SMOC2: variants seen among roughly 807,000 people sequenced by gnomAD.
SMOC2 encodes the protein SPARC-related modular calcium-binding protein 2.
Under a neutral mutation model 61.4 loss-of-function variants are expected in SMOC2, and 39 were observed. The observed-to-expected ratio is 0.64, with a 90% confidence interval of 0.49 to 0.83. The LOEUF is 0.83. Ranked by LOEUF, SMOC2 falls within the 40% of genes least tolerant of loss-of-function variation. SMOC2 has a pLI of 0.00. For missense variants in SMOC2, 556 were observed against 592.9 expected (o/e 0.94, Z 0.65); for synonymous variants, 247 against 239.9 (o/e 1.03, Z -0.27).
chr6:168,492,704 G>C (rs1252839659), intron 1 of SMOC2, among the ~76,000 whole-genome samples: 1 of 152,184 alleles, frequency 6.6e-6, no homozygotes, highest in East Asian at 1.9e-4. Context: ...ACATTTTAGA[G>C]AGAGCACTGT....
intron 1 of SMOC2, 31 bp downstream of exon 1, chr6:168,441,485 A>C (rs1208653015): frequency 6.8e-7 from 1 of 1,477,170 alleles, no homozygotes; most frequent in East Asian, 3.0e-5. Flanking sequence ...CCTGGAGCTC[A>C]AGTGGTGCCG....
At chr6:168,514,313 G>A (rs918062993) in intron 2 of SMOC2, among the ~76,000 whole-genome samples, 10 of 151,728 alleles carry the variant, frequency 6.6e-5, no homozygotes, top group South Asian at 6.2e-4. Context: ...TTCCACTGCC[G>A]ATACTCTACT....
intron 9 of SMOC2, among the ~76,000 whole-genome samples, chr6:168,639,025 A>G (rs1315987401): frequency 2.0e-5 from 3 of 152,144 alleles, no homozygotes; most frequent in African/African-American, 7.2e-5. Flanking sequence ...ACAAATCTAG[A>G]TGGAAAAAAG....
chr6:168,624,693 T>C (rs553951979), intron 9 of SMOC2, among the ~76,000 whole-genome samples: 1 of 150,046 alleles, frequency 6.7e-6, no homozygotes, highest in Admixed American at 6.6e-5. Context: ...CACACATAGA[T>C]ACAGATGTAC....
At chr6:168,507,788 C>A (rs1782909654) in intron 1 of SMOC2, among the ~76,000 whole-genome samples, 1 of 152,268 alleles carries the variant, frequency 6.6e-6, no homozygotes, top group South Asian at 2.1e-4. Context: ...CTAAAACAAA[C>A]CTGAATCATT....
intron 1 of SMOC2, among the ~76,000 whole-genome samples, chr6:168,477,746 T>G (rs1006564067): frequency 1.3e-5 from 2 of 152,268 alleles, no homozygotes; most frequent in East Asian, 3.9e-4. Flanking sequence ...GGAAAGTACT[T>G]TGGATGCGGT....
At chr6:168,554,585 G>A (rs977087571) in intron 7 of SMOC2, among the ~76,000 whole-genome samples, 4 of 152,232 alleles carry the variant, frequency 2.6e-5, no homozygotes, top group Non-Finnish European at 5.9e-5. Flanking sequence ...TTCTGGGACT[G>A]CGTGTCCTGG....
At chr6:168,513,522 C>T (rs1783060099) in intron 2 of SMOC2, among the ~76,000 whole-genome samples, 1 of 152,078 alleles carries the variant, frequency 6.6e-6, no homozygotes, top group South Asian at 2.1e-4. Context: ...CACATAAACA[C>T]ACACAAACTT....
intron 1 of SMOC2, among the ~76,000 whole-genome samples, chr6:168,500,079 A>G (rs113853370): frequency 0.016 from 2,366 of 152,170 alleles, 55 homozygotes; most frequent in African/African-American, 0.054. Flanking sequence ...TGCCAAGGCA[A>G]GTGGATCACC....
Position 168,598,998 on chromosome 6 carries a change from C to T in SMOC2, c.818C>T (p.Ser273Phe), listed in dbSNP as rs1785406538. The change falls in exon 8 of 13, where the codon TCC becomes TTC. Residue 273 changes from serine to phenylalanine, a missense_variant. Coordinates refer to ENST00000356284, the MANE Select transcript of SMOC2 (RefSeq NM_001166412.2). ...ACGGGGCGCCCCATTCCCGGCACAT[C>T]CACAAGGTAAATAGGGTGCACCCAC... ...VDTGRPIPGT[S>F]TRYEQPKCDN... is the part of the protein sequence containing the mutation. 6.2e-7 allele frequency: 1 copy of T among 1,600,358 alleles called. No individual in the cohort carries two copies. Among genetic ancestry groups the T allele is most frequent in the Non-Finnish European group, 8.5e-7 (1 of 1,173,170 alleles).
At chr6:168,446,973 TAAGAG>T (rs1405258924) in intron 1 of SMOC2, among the ~76,000 whole-genome samples, 1 of 152,252 alleles carries the variant, frequency 6.6e-6, no homozygotes, top group African/African-American at 2.4e-5. Flanking sequence ...AACTGTCACT[TAAGAG>T]AAGGCAAATG....
chr6:168,461,767 T>TTTGATAA (rs1781722865), intron 1 of SMOC2, among the ~76,000 whole-genome samples: 1 of 152,232 alleles, frequency 6.6e-6, no homozygotes. Context: ...GAGGCAGCCG[T>TTTGATAA]GCTAGAAACA....
intron 8 of SMOC2, among the ~76,000 whole-genome samples, chr6:168,606,932 T>G (rs1382644042): frequency 1.3e-5 from 2 of 151,796 alleles, no homozygotes; most frequent in Non-Finnish European, 2.9e-5. Flanking sequence ...CACTCATGGA[T>G]GGGAGGGGCA....
At chr6:168,580,102 C>G (rs1213378028) in intron 7 of SMOC2, among the ~76,000 whole-genome samples, 1 of 152,106 alleles carries the variant, frequency 6.6e-6, no homozygotes, top group Non-Finnish European at 1.5e-5. Context: ...ACGTAGTTTT[C>G]CCTCCTCCAC....
At chr6:168,626,778 G>C (rs1036721966) in intron 9 of SMOC2, among the ~76,000 whole-genome samples, 3 of 152,204 alleles carry the variant, frequency 2.0e-5, no homozygotes, top group Non-Finnish European at 4.4e-5. Flanking sequence ...CAGATTCCAG[G>C]GGTCTTTACC....
At chr6:168,450,162 A>G (rs1781428578) in intron 1 of SMOC2, among the ~76,000 whole-genome samples, 1 of 152,206 alleles carries the variant, frequency 6.6e-6, no homozygotes, top group African/African-American at 2.4e-5. Flanking sequence ...GGCCCTTTCA[A>G]AGACAGTCTA....
chr6:168,652,127 G>T (rs919136937), intron 10 of SMOC2, among the ~76,000 whole-genome samples: 1 of 151,800 alleles, frequency 6.6e-6, no homozygotes, highest in Non-Finnish European at 1.5e-5. Flanking sequence ...GATTGTTTTC[G>T]CAAACTAAGC....
At chr6:168,537,625 CGAGTGG>C (rs1328573180) in intron 4 of SMOC2, among the ~76,000 whole-genome samples, 3 of 152,248 alleles carry the variant, frequency 2.0e-5, no homozygotes, top group Non-Finnish European at 4.4e-5. Flanking sequence ...CCCAGGAGGC[CGAGTGG>C]CTGGTTGGCT....
At chr6:168,545,339 A>G (rs1783968897) in intron 5 of SMOC2, among the ~76,000 whole-genome samples, 1 of 152,234 alleles carries the variant, frequency 6.6e-6, no homozygotes, top group African/African-American at 2.4e-5. Flanking sequence ...TTTAGGCCGG[A>G]ATACGCAGAG....
Sources: allele counts gnomAD v4.1 joint callset (sites outside exome capture counted in the v4.1 genomes callset), GRCh38; gene constraint gnomAD v4.1.1; transcripts MANE v1.5; gene names NCBI Gene and HGNC (gene_info 2026-07-23, HGNC 2026-07-21).